SSBP3: variants seen among roughly 807,000 people sequenced by gnomAD.
The protein encoded by SSBP3 is single-stranded DNA-binding protein 3.
In SSBP3, 5 loss-of-function variants were observed where a neutral mutation model predicts 69.6. That is an observed-to-expected ratio of 0.07 (90% CI 0.04 to 0.15). The LOEUF (loss-of-function observed/expected upper bound fraction) is 0.15, where lower values mean the gene tolerates loss of function less well. SSBP3 is among the 10% of genes least tolerant of loss of function. The pLI is 1.00. For missense variants in SSBP3, 312 were observed against 534.0 expected (o/e 0.58, Z 4.10); for synonymous variants, 196 against 193.4 (o/e 1.01, Z -0.11).
chr1:54,394,999 G>A (rs941828691), intron 4 of SSBP3, among the ~76,000 whole-genome samples: 13 of 150,968 alleles, frequency 8.6e-5, no homozygotes, highest in South Asian at 2.1e-4. Context: ...CACCGCGCCC[G>A]GCTAAGACTC....
At chr1:54,331,440 A>G (rs921178149) in intron 4 of SSBP3, among the ~76,000 whole-genome samples, 2 of 152,254 alleles carry the variant, frequency 1.3e-5, no homozygotes, top group Non-Finnish European at 1.5e-5. Context: ...CCCAAGAATG[A>G]AAACCATGTA....
intron 4 of SSBP3, among the ~76,000 whole-genome samples, chr1:54,399,021 G>A (rs952080073): frequency 2.0e-5 from 3 of 152,154 alleles, no homozygotes; most frequent in South Asian, 2.1e-4. Flanking sequence ...CACCTTGTTC[G>A]AGAGCACCCG....
chr1:54,228,826 A>G (rs1206745758), exon 15 of SSBP3: 7 of 1,611,670 alleles, frequency 4.3e-6, no homozygotes, highest in Non-Finnish European at 5.9e-6. Context: ...CCCATCGGGA[A>G]CTGGGGAAGA....
intron 9 of SSBP3, among the ~76,000 whole-genome samples, chr1:54,251,271 G>T (rs1200585697): frequency 1.3e-5 from 2 of 152,200 alleles, no homozygotes; most frequent in Non-Finnish European, 1.5e-5. Context: ...CTCACCCAGG[G>T]GAGGCAGCTC....
At chr1:54,394,526 CAA>C (rs1648720534) in intron 4 of SSBP3, among the ~76,000 whole-genome samples, 1 of 151,994 alleles carries the variant, frequency 6.6e-6, no homozygotes, top group Admixed American at 6.6e-5. Context: ...TTGGTAACCT[CAA>C]AATACGGTAG....
At chr1:54,281,663 G>C in intron 4 of SSBP3, 136 bp from the exon 5 acceptor site, 1 of 790,282 alleles carries the variant, frequency 1.3e-6, no homozygotes, top group Non-Finnish European at 2.2e-6. Flanking sequence ...TCTACTTAAA[G>C]CCCTCCTAGC....
At chr1:54,257,208 T>C in intron 6 of SSBP3, 22 bp from the exon 7 acceptor site, 2 of 1,586,090 alleles carry the variant, frequency 1.3e-6, no homozygotes, top group Non-Finnish European at 1.7e-6. Context: ...GGTAATTAGT[T>C]CAATGACAGC....
chr1:54,350,798 CAA>C (rs1051986041), intron 4 of SSBP3, among the ~76,000 whole-genome samples: 3 of 152,096 alleles, frequency 2.0e-5, no homozygotes, highest in African/African-American at 4.8e-5. Context: ...TAAATAAACT[CAA>C]GAGTCTGGAC....
chr1:54,368,563 T>A (rs1048080847), intron 4 of SSBP3, among the ~76,000 whole-genome samples: 18 of 152,136 alleles, frequency 1.2e-4, no homozygotes, highest in African/African-American at 4.3e-4. Context: ...TTTAACCAGA[T>A]AAGGTCTTGC....
intron 4 of SSBP3, among the ~76,000 whole-genome samples, chr1:54,379,161 C>T (rs1166902970): frequency 3.9e-5 from 6 of 152,254 alleles, no homozygotes; most frequent in Non-Finnish European, 8.8e-5. Context: ...CTCAAAGTGT[C>T]AGCCAGTAAC....
intron 4 of SSBP3, among the ~76,000 whole-genome samples, chr1:54,348,566 G>A (rs1350798253): frequency 6.6e-6 from 1 of 152,202 alleles, no homozygotes; most frequent in Non-Finnish European, 1.5e-5. Context: ...CAGGGGTTGG[G>A]CTTTATTTGT....
At chr1:54,289,045 C>CA (rs796091545) in intron 4 of SSBP3, among the ~76,000 whole-genome samples, 3,311 of 41,044 alleles carry the variant, frequency 0.081, 97 homozygotes, top group Admixed American at 0.12. Context: ...AACAAAAAAA[C>CA]AAAAAAAAAA....
intron 9 of SSBP3, among the ~76,000 whole-genome samples, chr1:54,243,727 G>C (rs926480505): frequency 2.6e-5 from 4 of 152,178 alleles, no homozygotes; most frequent in East Asian, 1.9e-4. Context: ...GTGGATGGGA[G>C]CAGGCACTCC....
chr1:54,406,108 C>G, exon 1 of SSBP3: 1 of 991,478 alleles, frequency 1.0e-6, no homozygotes, highest in South Asian at 2.2e-5. Flanking sequence ...GCCCCCTCCC[C>G]GGCGCTCGCT....
chr1:54,281,633 A>G (rs1245131187), intron 4 of SSBP3, 106 bp from the exon 5 acceptor site: 3 of 1,046,720 alleles, frequency 2.9e-6, no homozygotes, highest in African/African-American at 3.2e-5. Flanking sequence ...TTCCCCGTGG[A>G]CCTTCCTCAC....
Position 54,239,948 on chromosome 1 carries a change from T to G in SSBP3, c.857-749A>C, listed in dbSNP as rs979117284. On this transcript the variant is annotated intron_variant, in intron 13 of 17. Transcript: ENST00000610401. ...TCTTGGGCAGAAATCCAGCTACCTCTCACTTTTTATTTTTGGGGTGGGTAA... is the reference window on the plus strand; with the variant it reads ...TCTTGGGCAGAAATCCAGCTACCTCGCACTTTTTATTTTTGGGGTGGGTAA... 8.5e-5 allele frequency among the ~76,000 whole-genome samples: 13 copies of G among 152,264 alleles called. No individual in the cohort carries two copies. In the East Asian group the frequency reaches 2.3e-3, roughly 27 times the overall value.
At chr1:54,271,929 C>T (rs142846787) in intron 5 of SSBP3, among the ~76,000 whole-genome samples, 5 of 152,246 alleles carry the variant, frequency 3.3e-5, no homozygotes, top group South Asian at 4.2e-4. Flanking sequence ...GCCACCATGC[C>T]TGGCTAATTT....
At chr1:54,389,722 G>A (rs1221547431) in intron 4 of SSBP3, among the ~76,000 whole-genome samples, 1 of 151,816 alleles carries the variant, frequency 6.6e-6, no homozygotes, top group African/African-American at 2.4e-5. Flanking sequence ...TAAAAAAACA[G>A]AAAAGTTAGC....
rs111823527 is a variant in SSBP3, at chr1:54,241,584, C to T, written c.766-75G>A. 2.0e-3 allele frequency: 2,935 copies of T among 1,494,778 alleles called. 46 individuals carry two copies. In the African/African-American group the frequency reaches 0.035, roughly 18 times the overall value. 92.6% of individuals were successfully genotyped at this position (1,494,778 alleles called of 1,614,324 possible). On this transcript the variant is annotated intron_variant, in intron 11 of 17. Coordinates refer to ENST00000610401, the Ensembl canonical transcript of SSBP3. ...CAGCTGCCAAACCTCCCTGAGGACA[C>T]GACCCACTCTTCACAGGAAAGGCAT...
Sources: allele counts gnomAD v4.1 joint callset (sites outside exome capture counted in the v4.1 genomes callset), GRCh38; gene constraint gnomAD v4.1.1; transcripts MANE v1.5; gene names NCBI Gene and HGNC (gene_info 2026-07-23, HGNC 2026-07-21).